CCDC102B: variants seen among roughly 807,000 people sequenced by gnomAD.
The protein encoded by CCDC102B is coiled-coil domain-containing protein 102B.
Under a neutral mutation model 57.4 loss-of-function variants are expected in CCDC102B, and 75 were observed. The ratio of observed to expected loss-of-function variants is 1.31; its 90% CI spans 1.08 to 1.58. CCDC102B has a LOEUF of 1.58. Ranked by LOEUF, CCDC102B falls within the 40% of genes most tolerant of loss-of-function variation. The pLI is 0.00. For missense variants in CCDC102B, 636 were observed against 582.6 expected (o/e 1.09, Z -0.94); for synonymous variants, 206 against 201.9 (o/e 1.02, Z -0.17).
At chr18:68,982,588 A>G (rs2050620164) in intron 6 of CCDC102B, among the ~76,000 whole-genome samples, 1 of 151,940 alleles carries the variant, frequency 6.6e-6, no homozygotes, top group Non-Finnish European at 1.5e-5. Flanking sequence ...TCTCTTTTCC[A>G]ATCATATGTC....
At chr18:69,036,512 T>C (rs2052296282) in intron 7 of CCDC102B, among the ~76,000 whole-genome samples, 1 of 152,144 alleles carries the variant, frequency 6.6e-6, no homozygotes, top group Non-Finnish European at 1.5e-5. Context: ...TAGGAAATTA[T>C]TTATATAGAA....
chr18:68,758,483 A>G (rs1295305483), intron 2 of CCDC102B, among the ~76,000 whole-genome samples: 2 of 152,000 alleles, frequency 1.3e-5, no homozygotes, highest in Non-Finnish European at 2.9e-5. Context: ...CATGCTGGAA[A>G]ACTCTAGTGC....
chr18:68,811,988 A>G (rs1157016596), intron 1 of CCDC102B, among the ~76,000 whole-genome samples: 1 of 152,228 alleles, frequency 6.6e-6, no homozygotes, highest in African/African-American at 2.4e-5. Flanking sequence ...CTGGAAAAAA[A>G]GTATAAGATT....
intron 1 of CCDC102B, among the ~76,000 whole-genome samples, chr18:68,808,901 G>T (rs1420246875): frequency 1.3e-5 from 2 of 152,092 alleles, no homozygotes; most frequent in African/African-American, 2.4e-5. Flanking sequence ...GATACAAGAT[G>T]AATTTTACAT....
chr18:68,751,064 A>G (rs1468289709), intron 2 of CCDC102B, among the ~76,000 whole-genome samples: 4 of 152,180 alleles, frequency 2.6e-5, no homozygotes, highest in African/African-American at 9.7e-5. Context: ...ATAATCTATC[A>G]TGCTGCACAG....
chr18:68,794,281 T>C (rs980222843), upstream of CCDC102B, among the ~76,000 whole-genome samples: 4 of 152,106 alleles, frequency 2.6e-5, no homozygotes, highest in Admixed American at 6.6e-5. Flanking sequence ...CTCCTTGTCT[T>C]GTTCAAGGAA....
intron 3 of CCDC102B, among the ~76,000 whole-genome samples, chr18:68,841,811 C>T (rs892173494): frequency 6.6e-6 from 1 of 152,152 alleles, no homozygotes; most frequent in Non-Finnish European, 1.5e-5. Context: ...AAGCTCACTG[C>T]AATCTCAGCC....
chr18:68,995,687 T>TG (rs1387412900), intron 6 of CCDC102B, among the ~76,000 whole-genome samples: 1 of 152,070 alleles, frequency 6.6e-6, no homozygotes, highest in Admixed American at 6.6e-5. Flanking sequence ...GCTGCAGAGA[T>TG]GAAGTCCTCA....
At chr18:68,861,738 A>T (rs933617124) in intron 4 of CCDC102B, among the ~76,000 whole-genome samples, 5 of 152,144 alleles carry the variant, frequency 3.3e-5, no homozygotes, top group African/African-American at 1.2e-4. Context: ...ACCCTACCGA[A>T]TACTCTGTGG....
chr18:68,745,357 C>T (rs970138309), intron 2 of CCDC102B, among the ~76,000 whole-genome samples: 1 of 152,068 alleles, frequency 6.6e-6, no homozygotes, highest in Non-Finnish European at 1.5e-5. Context: ...AACTAGGAAG[C>T]GTATTCTCTC....
At chr18:68,997,687 A>C (rs1410794551) in intron 6 of CCDC102B, among the ~76,000 whole-genome samples, 1 of 152,018 alleles carries the variant, frequency 6.6e-6, no homozygotes, top group East Asian at 1.9e-4. Context: ...TTATTCCTCA[A>C]TAATATCTAT....
At chr18:68,917,917 A>G (rs28688644) in intron 6 of CCDC102B, among the ~76,000 whole-genome samples, 240 of 152,260 alleles carry the variant, frequency 1.6e-3, no homozygotes, top group African/African-American at 5.6e-3. Context: ...TTTAAGAAAA[A>G]GGACAATGTG....
chr18:68,905,939 G>T (rs566141844), intron 6 of CCDC102B, among the ~76,000 whole-genome samples: 1 of 151,384 alleles, frequency 6.6e-6, no homozygotes, highest in Non-Finnish European at 1.5e-5. Context: ...GACTACAGGC[G>T]CCCGCCACCA....
intron 5 of CCDC102B, among the ~76,000 whole-genome samples, chr18:68,892,271 T>C (rs1323849713): frequency 6.6e-6 from 1 of 152,192 alleles, no homozygotes; most frequent in Non-Finnish European, 1.5e-5. Flanking sequence ...ACCCTTGTAC[T>C]TTCTAATCTC....
chr18:69,010,618 T>C (rs2051488414), intron 6 of CCDC102B, among the ~76,000 whole-genome samples: 1 of 152,188 alleles, frequency 6.6e-6, no homozygotes, highest in African/African-American at 2.4e-5. Flanking sequence ...TTTGCATGCA[T>C]TTATATTATT....
chr18:68,734,341 G>A (rs143080699), intron 2 of CCDC102B, among the ~76,000 whole-genome samples: 109 of 152,274 alleles, frequency 7.2e-4, no homozygotes, highest in Non-Finnish European at 1.4e-3. Flanking sequence ...AGGCTGCAGC[G>A]TTAGGGGTGT....
At chr18:68,795,673 G>A (rs2035606140), upstream of CCDC102B, among the ~76,000 whole-genome samples, 1 of 152,052 alleles carries the variant, frequency 6.6e-6, no homozygotes, top group African/African-American at 2.4e-5. Flanking sequence ...ACAAGTCCTT[G>A]GAATATGGTT....
At chr18:68,947,744 T>A (rs1271755452) in intron 6 of CCDC102B, among the ~76,000 whole-genome samples, 1 of 152,120 alleles carries the variant, frequency 6.6e-6, no homozygotes, top group African/African-American at 2.4e-5. Flanking sequence ...AAAATTAGAA[T>A]CTTATTAAAA....
intron 6 of CCDC102B, among the ~76,000 whole-genome samples, chr18:68,934,413 A>G (rs1037967567): frequency 1.3e-5 from 2 of 151,964 alleles, no homozygotes; most frequent in East Asian, 1.9e-4. Flanking sequence ...CTATTGTAGC[A>G]TGTGTGTTTT....
Sources: gnomAD v4.1 joint callset for allele counts (sites outside exome capture counted in the v4.1 genomes callset) on GRCh38, gnomAD v4.1.1 for gene constraint, MANE v1.5 for transcripts, NCBI Gene and HGNC (gene_info 2026-07-23, HGNC 2026-07-21) for gene names.